Variants in PVT1 observed in about 807,000 individuals in gnomAD.
The protein encoded by PVT1 is Pvt1 oncogene, also known as CXCR4/PVT1 fusion.
At chr8:127,874,511 C>T (rs1372478258) in intron 2 of PVT1, among the ~76,000 whole-genome samples, 2 of 152,136 alleles carry the variant, frequency 1.3e-5, no homozygotes, top group Non-Finnish European at 2.9e-5. Context: ...ATCTTATTCC[C>T]ACCCATATGG....
intron 2 of PVT1, among the ~76,000 whole-genome samples, chr8:127,826,143 A>C (rs1814786691): frequency 6.6e-6 from 1 of 150,746 alleles, no homozygotes; most frequent in Non-Finnish European, 1.5e-5. Context: ...TATAGGCATG[A>C]GCTACCGCTA....
intron 3 of PVT1, chr8:127,946,411 GT>G (rs748368826): frequency 4.6e-5 from 7 of 152,226 alleles, no homozygotes; most frequent in Non-Finnish European, 1.0e-4. Flanking sequence ...TCTTTCAAAT[GT>G]TTCCAAGTAG....
At position 127,807,457 on chromosome 8, in the gene PVT1, C is replaced by T. The variant is rs376389417; in HGVS notation, n.372+11386C>T. Among the ~76,000 whole-genome samples the T allele has an allele frequency of 4.6e-5, 7 of 152,124 alleles. No homozygotes were observed. In the South Asian group the frequency reaches 6.2e-4, roughly 13 times the overall value. ...CAAGTGATTCTCCTGCCTCAGCCTC[C>T]GGAGTAGCTGGGACTACAGGTGTGA... is the stretch of plus-strand genomic sequence containing the variant. On this transcript the variant is annotated intron_variant and non_coding_transcript_variant, in intron 2 of 10. Transcript: ENST00000651587.
At chr8:128,035,600 A>G (rs1431501524) in intron 4 of PVT1, among the ~76,000 whole-genome samples, 1 of 152,248 alleles carries the variant, frequency 6.6e-6, no homozygotes, top group African/African-American at 2.4e-5. Flanking sequence ...CAAGATGACC[A>G]TAATCCCTGG....
At chr8:127,826,983 T>C (rs1814795953) in intron 2 of PVT1, among the ~76,000 whole-genome samples, 1 of 128,402 alleles carries the variant, frequency 7.8e-6, no homozygotes, top group Non-Finnish European at 1.6e-5. Context: ...TTTTTCTTTC[T>C]TTCTTTTTCT....
chr8:127,811,182 CT>C (rs1814590655), intron 2 of PVT1, among the ~76,000 whole-genome samples: 1 of 152,218 alleles, frequency 6.6e-6, no homozygotes, highest in South Asian at 2.1e-4. Flanking sequence ...CCCTCCTCCC[CT>C]GGTCCCTTTT....
At chr8:127,849,693 ATGTG>A (rs1304393374) in intron 2 of PVT1, among the ~76,000 whole-genome samples, 1 of 136,898 alleles carries the variant, frequency 7.3e-6, no homozygotes, top group Non-Finnish European at 1.6e-5. Flanking sequence ...GCCTGTACAT[ATGTG>A]TGTGTGTGCC....
At chr8:127,954,085 A>G (rs1413935001) in intron 3 of PVT1, among the ~76,000 whole-genome samples, 1 of 152,132 alleles carries the variant, frequency 6.6e-6, no homozygotes, top group Non-Finnish European at 1.5e-5. Context: ...ACTGCTTGAC[A>G]TTGCTCCAAG....
chr8:127,932,563 A>T (rs994916485), intron 3 of PVT1: 6 of 398,464 alleles, frequency 1.5e-5, no homozygotes, highest in Admixed American at 4.4e-5. Flanking sequence ...CCAGCCTGCT[A>T]TGGAAGCATC....
chr8:128,051,870 A>T (rs2648865), intron 4 of PVT1, among the ~76,000 whole-genome samples: 52,242 of 151,934 alleles, frequency 0.34, 9,882 homozygotes, highest in East Asian at 0.59. Flanking sequence ...TGTTCTCTTT[A>T]AGTTGAGTTT....
chr8:127,972,570 T>C (rs1261716859), intron 3 of PVT1, among the ~76,000 whole-genome samples: 1 of 152,038 alleles, frequency 6.6e-6, no homozygotes, highest in South Asian at 2.1e-4. Context: ...CAACCCTGTC[T>C]CTACTAAAAA....
chr8:127,823,263 C>T (rs547916061), intron 2 of PVT1, among the ~76,000 whole-genome samples: 1 of 152,242 alleles, frequency 6.6e-6, no homozygotes, highest in South Asian at 2.1e-4. Flanking sequence ...TAGGCTGTGG[C>T]TGCCAGCCCA....
chr8:127,802,074 C>G (rs975694017), intron 2 of PVT1, among the ~76,000 whole-genome samples: 1 of 152,016 alleles, frequency 6.6e-6, no homozygotes, highest in Admixed American at 6.6e-5. Flanking sequence ...CACCACCACA[C>G]CTGGCTAATT....
At chr8:127,984,870 TTTC>T (rs1816931051) in intron 3 of PVT1, among the ~76,000 whole-genome samples, 1 of 77,230 alleles carries the variant, frequency 1.3e-5, no homozygotes, top group African/African-American at 4.5e-5. Flanking sequence ...TCTTTCTTTC[TTTC>T]TTTCTTTCTT....
At chr8:127,808,607 G>T (rs186892458) in intron 2 of PVT1, among the ~76,000 whole-genome samples, 15 of 152,140 alleles carry the variant, frequency 9.9e-5, no homozygotes, top group African/African-American at 3.1e-4. Context: ...TTGGGTAGAT[G>T]GTGGATCAAC....
At chr8:127,917,050 A>C (rs754523259) in intron 3 of PVT1, among the ~76,000 whole-genome samples, 1 of 152,178 alleles carries the variant, frequency 6.6e-6, no homozygotes, top group Non-Finnish European at 1.5e-5. Flanking sequence ...CAAAATAAGG[A>C]GTGGCAGTGA....
At chr8:127,817,374 AAT>A (rs199893256) in intron 2 of PVT1, among the ~76,000 whole-genome samples, 1 of 105,746 alleles carries the variant, frequency 9.5e-6, no homozygotes, top group East Asian at 2.2e-4. Flanking sequence ...TATCTATTTA[AAT>A]ATATATATCT....
At chr8:127,963,415 C>T (rs546639321) in intron 3 of PVT1, among the ~76,000 whole-genome samples, 1 of 152,180 alleles carries the variant, frequency 6.6e-6, no homozygotes. Flanking sequence ...GTTGTTTACA[C>T]TAGCGTTGTT....
chr8:128,034,186 C>T (rs925857786), intron 4 of PVT1, among the ~76,000 whole-genome samples: 5 of 151,880 alleles, frequency 3.3e-5, no homozygotes, highest in African/African-American at 9.7e-5. Flanking sequence ...CCTCCTTCTC[C>T]TCCTCCTCTT....
Sources: allele counts gnomAD v4.1 joint callset (sites outside exome capture counted in the v4.1 genomes callset), GRCh38; gene constraint gnomAD v4.1.1; transcripts MANE v1.5; gene names NCBI Gene and HGNC (gene_info 2026-07-23, HGNC 2026-07-21).